KYAT3: variants seen among roughly 807,000 people sequenced by gnomAD.
KYAT3 encodes the protein kynurenine--oxoglutarate transaminase 3.
Under a neutral mutation model 59.0 loss-of-function variants are expected in KYAT3, and 50 were observed. That is an observed-to-expected ratio of 0.85 (90% CI 0.68 to 1.07). The LOEUF (loss-of-function observed/expected upper bound fraction) is 1.07. KYAT3 is among the 50% of genes least tolerant of loss of function. KYAT3 has a pLI of 0.00. For synonymous variants in KYAT3, 148 were observed against 177.0 expected (o/e 0.84, Z 1.30); for missense variants, 497 against 533.3 (o/e 0.93, Z 0.67).
the KYAT3 span, among the ~76,000 whole-genome samples, chr1:88,921,331 T>C: frequency 4.6e-5 from 7 of 152,234 alleles, no homozygotes; most frequent in Non-Finnish European, 7.3e-5. Flanking sequence ...AAGCCCTCCT[T>C]GAGCACTTTT....
intron 4 of KYAT3, among the ~76,000 whole-genome samples, chr1:88,966,434 T>C (rs1676354187): frequency 1.3e-5 from 2 of 152,178 alleles, no homozygotes; most frequent in Admixed American, 6.6e-5. Context: ...GTACAGATCT[T>C]GGATATATTT....
At chr1:88,951,607 T>C (rs1287137808) in intron 10 of KYAT3, among the ~76,000 whole-genome samples, 1 of 151,568 alleles carries the variant, frequency 6.6e-6, no homozygotes, top group Non-Finnish European at 1.5e-5. Flanking sequence ...AGAATGATGG[T>C]AACTAAATCC....
At chr1:88,945,210 T>A (rs1337015093) in intron 11 of KYAT3, among the ~76,000 whole-genome samples, 1 of 152,066 alleles carries the variant, frequency 6.6e-6, no homozygotes, top group African/African-American at 2.4e-5. Context: ...ATTATAAAGG[T>A]TTTTTAGTCA....
At chr1:88,921,802 C>T in the KYAT3 span, among the ~76,000 whole-genome samples, 3 of 152,266 alleles carry the variant, frequency 2.0e-5, no homozygotes, top group South Asian at 6.2e-4. Context: ...GTCTGAAGGC[C>T]ATCTGCTGAT....
chr1:88,933,053 G>T (rs548775247), downstream of KYAT3, among the ~76,000 whole-genome samples: 2 of 152,202 alleles, frequency 1.3e-5, no homozygotes, highest in Non-Finnish European at 2.9e-5. Context: ...GCACAAGGCT[G>T]TCTCCCTTCC....
intron 2 of KYAT3, chr1:88,982,029 T>C: frequency 4.1e-6 from 4 of 979,940 alleles, no homozygotes; most frequent in Non-Finnish European, 4.9e-6. Flanking sequence ...AATGGTCTTA[T>C]TGTGGGAGGG....
chr1:88,989,941 T>C lies in KYAT3; in HGVS notation c.-1-1590A>G, dbSNP rs867594833. 6.6e-5 allele frequency among the ~76,000 whole-genome samples: 10 copies of C among 152,300 alleles called. 1 individual carries two copies. The Middle Eastern group carries it at 0.01, about 155-fold the overall frequency. On this transcript the variant is annotated intron_variant, in intron 1 of 13. Coordinates refer to ENST00000260508, the MANE Select transcript of KYAT3 (RefSeq NM_001008661.3). ...CAGATTTGTGGTCATCAGTCTTAAA[T>C]TGACCCCCAACACTGCAGCATTTCT...
chr1:88,962,191 A>G (rs1676175510), intron 5 of KYAT3, 46 bp from the exon 6 acceptor site: 1 of 1,314,048 alleles, frequency 7.6e-7, no homozygotes, highest in Non-Finnish European at 1.1e-6. Flanking sequence ...TCATTTATTC[A>G]TGTTAATAAT....
At chr1:88,957,933 T>C (rs1252164649) in intron 8 of KYAT3, among the ~76,000 whole-genome samples, 1 of 152,202 alleles carries the variant, frequency 6.6e-6, no homozygotes, top group Non-Finnish European at 1.5e-5. Context: ...TAAAACATGA[T>C]AACATTTTGG....
the KYAT3 span, among the ~76,000 whole-genome samples, chr1:88,928,003 T>C: frequency 6.6e-6 from 1 of 152,118 alleles, no homozygotes; most frequent in Non-Finnish European, 1.5e-5. Context: ...CTGTAGACCT[T>C]CATTGGGACA....
intron 5 of KYAT3, among the ~76,000 whole-genome samples, chr1:88,963,714 AT>A (rs1165132360): frequency 6.6e-6 from 1 of 152,214 alleles, no homozygotes; most frequent in Non-Finnish European, 1.5e-5. Context: ...TCTTTAAAAC[AT>A]CTTCTATCTC....
chr1:88,952,268 T>C (rs962784986), intron 10 of KYAT3, among the ~76,000 whole-genome samples: 3 of 152,236 alleles, frequency 2.0e-5, no homozygotes, highest in African/African-American at 7.2e-5. Context: ...TCCTCAATCA[T>C]CTGCAATGAA....
intron 9 of KYAT3, among the ~76,000 whole-genome samples, chr1:88,954,729 T>C (rs1675832956): frequency 6.6e-6 from 1 of 152,240 alleles, no homozygotes. Context: ...TAAAAATCTA[T>C]ATAAACTGAA....
At chr1:88,957,384 C>CA in intron 8 of KYAT3, among the ~76,000 whole-genome samples, 1 of 152,086 alleles carries the variant, frequency 6.6e-6, no homozygotes, top group Non-Finnish European at 1.5e-5. Context: ...ATCTAAACTA[C>CA]GTATAATGCA....
rs770702439 is a variant in KYAT3, at chr1:88,968,823, GA to G, written c.159-10del. 4 of 1,562,604 alleles carry G rather than the reference GA, an allele frequency of 2.6e-6. No homozygotes were observed. Among genetic ancestry groups the G allele is most frequent in the Non-Finnish European group, 3.4e-6 (4 of 1,162,172 alleles). On this transcript the variant is annotated splice_polypyrimidine_tract_variant and intron_variant, in intron 3 of 13. Transcript: ENST00000260508. Reference sequence around the variant, plus strand: ...ATTTGGTAAATTCAATCCTAAGATTGAAAAAAATACTAATATTAATAAGTTC... The same window carrying G: ...ATTTGGTAAATTCAATCCTAAGATTGAAAAAATACTAATATTAATAAGTTC...
chr1:88,928,061 G>A, the KYAT3 span, among the ~76,000 whole-genome samples: 15 of 151,660 alleles, frequency 9.9e-5, no homozygotes, highest in Non-Finnish European at 1.9e-4. Flanking sequence ...GCTAACTTGC[G>A]CGCTAGAAGG....
chr1:88,955,434 G>C (rs1675873326), intron 8 of KYAT3, among the ~76,000 whole-genome samples: 1 of 152,044 alleles, frequency 6.6e-6, no homozygotes, highest in South Asian at 2.1e-4. Context: ...GTTGCACCAA[G>C]ATAGTATATA....
chr1:88,931,250 A>G (rs1438383458), downstream of KYAT3, among the ~76,000 whole-genome samples: 2 of 152,148 alleles, frequency 1.3e-5, no homozygotes, highest in African/African-American at 4.8e-5. Flanking sequence ...CAAAGAAATA[A>G]TCTCCTGCAC....
At chr1:88,943,545 C>G in intron 11 of KYAT3, 122 bp from the exon 12 acceptor site, 1 of 644,210 alleles carries the variant, frequency 1.6e-6, no homozygotes, top group Non-Finnish European at 2.8e-6. Flanking sequence ...AGAATTTTCT[C>G]AGAACATAGT....
Sources: gnomAD v4.1 joint callset for allele counts (sites outside exome capture counted in the v4.1 genomes callset) on GRCh38, gnomAD v4.1.1 for gene constraint, MANE v1.5 for transcripts, NCBI Gene and HGNC (gene_info 2026-07-23, HGNC 2026-07-21) for gene names.